ARL6IP1: variants seen among roughly 807,000 people sequenced by gnomAD.
The protein encoded by ARL6IP1 is ADP-ribosylation factor-like protein 6-interacting protein 1.
A neutral mutation model predicts 30.1 loss-of-function variants in ARL6IP1; 16 were observed. The ratio of observed to expected loss-of-function variants is 0.53; its 90% CI spans 0.36 to 0.81. ARL6IP1 has a LOEUF of 0.81. Ranked by LOEUF, ARL6IP1 falls within the 30% of genes least tolerant of loss-of-function variation. The pLI, the probability that ARL6IP1 is intolerant of heterozygous loss-of-function variation, is 0.01. For synonymous variants in ARL6IP1, 72 were observed against 84.8 expected, an observed-to-expected ratio of 0.85 and a Z score of 0.83; for missense variants, 173 against 242.7, an observed-to-expected ratio of 0.71 and a Z score of 1.91.
rs185612741 is a variant in ARL6IP1 at position 18,792,614 on chromosome 16, C to T, written c.*638G>A. 1 of 152,628 alleles carries T rather than the reference C, an allele frequency of 6.6e-6. No individual in the cohort carries two copies. The highest frequency in any genetic ancestry group is 1.5e-5 in the Non-Finnish European group (1 of 68,044). The allele number at this position is 152,628 out of a possible 1,614,324, so 9.5% of individuals were successfully genotyped here. On this transcript the variant is annotated 3_prime_UTR_variant, in exon 6 of 6. Coordinates refer to ENST00000304414, the MANE Select transcript of ARL6IP1 (RefSeq NM_015161.3). ...CGAAAGCTTAAGCCTGTCAGACATT[C>T]CTTTTCTTGGACAAAAAGATCAAAG...
intron 2 of ARL6IP1, 103 bp from the exon 3 acceptor site, chr16:18,798,147 G>C: frequency 8.6e-7 from 1 of 1,158,862 alleles, no homozygotes; most frequent in Non-Finnish European, 1.2e-6. Context: ...GCCTCTCAGA[G>C]ATATTTGCCA....
Position 18,795,593 on chromosome 16 carries a change from A to G in ARL6IP1, c.291-12T>C. Reference sequence around the variant, plus strand: ...GTTGTTCAGTGGTCCTAGAAAAGAAATTTGCCTTTTGCTATAAACAAATCG... The same window carrying G: ...GTTGTTCAGTGGTCCTAGAAAAGAAGTTTGCCTTTTGCTATAAACAAATCG... On this transcript the variant is annotated splice_polypyrimidine_tract_variant and intron_variant, in intron 3 of 5. Transcript: ENST00000304414. 2 of 1,605,426 alleles carry G rather than the reference A, an allele frequency of 1.2e-6. No individual in the cohort carries two copies. The highest frequency in any genetic ancestry group is 1.7e-6 in the Non-Finnish European group (2 of 1,174,848).
chr16:18,794,680 A>G lies in ARL6IP1; in HGVS notation c.412T>C (p.Phe138Leu). Residue 138 changes from phenylalanine to leucine, a missense_variant, in exon 5 of 6, where the codon TTC (phenylalanine) becomes CTC (leucine). By Grantham distance (22) the Phe-to-Leu change is conservative. Transcript: ENST00000304414. ...GCAAGGGAAACGATCATGGTCATGAAGTACTAGCAATGAAAACAAGAATTT... is the reference window on the plus strand; with the variant it reads ...GCAAGGGAAACGATCATGGTCATGAGGTACTAGCAATGAAAACAAGAATTT... The part of the protein sequence containing the change: ...TLKEEKPKMY[F>L]MTMIVSLAAV... 1 of 1,610,554 alleles carries G rather than the reference A, an allele frequency of 6.2e-7. No homozygotes were observed. The highest frequency in any genetic ancestry group is 1.7e-4 in the Middle Eastern group (1 of 6,048).
chr16:18,794,101 A>G (rs1430161016), intron 5 of ARL6IP1, among the ~76,000 whole-genome samples: 2 of 152,046 alleles, frequency 1.3e-5, no homozygotes, highest in African/African-American at 2.4e-5. Context: ...ACAGGTGTGT[A>G]CCACCACATC....
chr16:18,797,381 CAAAAAAAA>C (rs58429351), intron 3 of ARL6IP1, among the ~76,000 whole-genome samples: 1 of 82,734 alleles, frequency 1.2e-5, no homozygotes, highest in Non-Finnish European at 2.4e-5. Flanking sequence ...GCCTCCATCT[CAAAAAAAA>C]AAAAAAAAAA....
chr16:18,798,452 A>T (rs1322741638), intron 2 of ARL6IP1: 2 of 424,764 alleles, frequency 4.7e-6, no homozygotes, highest in East Asian at 7.6e-5. Context: ...ATAACAAAAA[A>T]AGAGTTTAAG....
chr16:18,799,264 G>A (rs1222709300), intron 1 of ARL6IP1, among the ~76,000 whole-genome samples: 2 of 152,138 alleles, frequency 1.3e-5, no homozygotes, highest in African/African-American at 4.8e-5. Context: ...CACTCACCTC[G>A]TCTTCCCAAA....
Position 18,800,654 on chromosome 16 carries a change from G to C in ARL6IP1, c.36+777C>G, listed in dbSNP as rs540793967. ...TTCTTTGGTTCCGTTTTTCATTGCT[G>C]GTATGTGACCTACAGTCACCAGGGA... On this transcript the variant is annotated intron_variant, in intron 1 of 5. Coordinates refer to ENST00000304414, the MANE Select transcript of ARL6IP1 (RefSeq NM_015161.3). Among the ~76,000 whole-genome samples, 65 of 152,272 alleles carry C rather than the reference G, an allele frequency of 4.3e-4. No individual in the cohort carries two copies. In the South Asian group the frequency reaches 0.012, roughly 28 times the overall value.
chr16:18,798,103 A>C, intron 2 of ARL6IP1, 59 bp from the exon 3 acceptor site: 2 of 1,456,168 alleles, frequency 1.4e-6, no homozygotes, highest in Non-Finnish European at 1.9e-6. Flanking sequence ...CTAACTAAAC[A>C]TGTCTAACTT....
rs1265011958 is a variant in ARL6IP1 at position 18,792,566 on chromosome 16, CT to C, written c.*685del. On this transcript the variant is annotated 3_prime_UTR_variant, in exon 6 of 6. Transcript: ENST00000304414. ...TAAAAAGCCTTTAAGGATTTACTAA[CT>C]TCGAGTCTAAGTGCAAGGGGACGAA... The C allele has an allele frequency of 6.6e-6, 1 of 152,472 alleles. No homozygotes were observed. The highest frequency in any genetic ancestry group is 1.5e-5 in the Non-Finnish European group (1 of 68,028). 9.4% of individuals were successfully genotyped at this position (152,472 alleles called of 1,614,324 possible).
chr16:18,801,494 G>C lies in ARL6IP1; in HGVS notation c.-28C>G. On this transcript the variant is annotated 5_prime_UTR_variant, in exon 1 of 6. Transcript: ENST00000304414. ...TCTCGGGGATGCAGTCTCTACAAGC[G>C]CAGGCCACCTCCCCAACGAGTCCTC... 6.2e-7 allele frequency: 1 copy of C among 1,609,670 alleles called. No individual in the cohort carries two copies. The highest frequency in any genetic ancestry group is 8.5e-7 in the Non-Finnish European group (1 of 1,178,532).
chr16:18,801,250 G>C (rs1445422209), intron 1 of ARL6IP1, 181 bp downstream of exon 1: 1 of 1,427,740 alleles, frequency 7.0e-7, no homozygotes, highest in African/African-American at 1.4e-5. Context: ...CCGTCCCCAG[G>C]AAAGGTAAGG....
At chr16:18,794,165 T>C (rs2030159538) in intron 5 of ARL6IP1, among the ~76,000 whole-genome samples, 1 of 152,144 alleles carries the variant, frequency 6.6e-6, no homozygotes, top group Non-Finnish European at 1.5e-5. Flanking sequence ...TTGGCTAGGC[T>C]GGTCTCAAAC....
At chr16:18,798,896 G>C in intron 1 of ARL6IP1, 62 bp from the exon 2 acceptor site, 3 of 1,473,774 alleles carry the variant, frequency 2.0e-6, no homozygotes, top group Non-Finnish European at 2.7e-6. Flanking sequence ...GTGGTTCATA[G>C]ACTTCAATTA....
intron 1 of ARL6IP1, 104 bp downstream of exon 1, chr16:18,801,327 G>A (rs1182265953): frequency 1.5e-6 from 2 of 1,350,466 alleles, no homozygotes; most frequent in Non-Finnish European, 2.0e-6. Context: ...AGGGAGAGAA[G>A]GGCCGGGCCC....
At chr16:18,798,944 A>G (rs1483540457) in intron 1 of ARL6IP1, 110 bp from the exon 2 acceptor site, 14 of 1,226,568 alleles carry the variant, frequency 1.1e-5, no homozygotes, top group Non-Finnish European at 2.2e-6. Flanking sequence ...CCTCTTAACC[A>G]AATTGCCAAT....
chr16:18,798,739 A>T lies in ARL6IP1; in HGVS notation c.132T>A (p.Phe44Leu). 6.2e-7 allele frequency: 1 copy of T among 1,614,218 alleles called. No homozygotes were observed. Among genetic ancestry groups the T allele is most frequent in the Non-Finnish European group, 8.5e-7 (1 of 1,180,044 alleles). The change falls in exon 2 of 6, where the codon TTT becomes TTA. Residue 44 changes from phenylalanine (F) to leucine (L), a missense_variant. Transcript: ENST00000304414. Reference protein sequence around the residue: ...DKVLRWERAWFPPAIMGVVSL... With the variant: ...DKVLRWERAWLPPAIMGVVSL... ...AAACCACACCCATGATGGCAGGTGG[A>T]AACCAGGCTCTTTCCCATCGGAGGA...
intron 3 of ARL6IP1, among the ~76,000 whole-genome samples, chr16:18,796,170 C>G (rs899991611): frequency 1.1e-4 from 16 of 152,158 alleles, no homozygotes; most frequent in African/African-American, 3.9e-4. Flanking sequence ...CAGTAAAAAT[C>G]CAACAAGAGA....
In ARL6IP1 at chr16:18,795,546, CAAATTTCAT is replaced by C; in HGVS notation, c.317_325del (p.His106_Cys109delinsArg). 6.2e-7 allele frequency: 1 copy of C among 1,613,566 alleles called. No individual in the cohort carries two copies. The highest frequency in any genetic ancestry group is 8.5e-7 in the Non-Finnish European group (1 of 1,179,868). On this transcript the variant is annotated inframe_deletion, in exon 4 of 6. Transcript: ENST00000304414. ...GCGTCGAGTTTTTACTAGATTGCTG[CAAATTTCAT>C]GGAATCTTTGCTGTTGTTCAGTGGT...
Sources: allele counts gnomAD v4.1 joint callset (sites outside exome capture counted in the v4.1 genomes callset), GRCh38; gene constraint gnomAD v4.1.1; transcripts MANE v1.5; gene names NCBI Gene and HGNC (gene_info 2026-07-23, HGNC 2026-07-21).